Variants in CLASP1 observed in about 807,000 individuals in gnomAD.
CLASP1 encodes CLIP-associating protein 1.
In CLASP1, 38 loss-of-function variants were observed where a neutral mutation model predicts 192.3. The ratio of observed to expected loss-of-function variants is 0.20; its 90% CI spans 0.15 to 0.26. CLASP1 has a LOEUF of 0.26. Among genes scored for constraint, CLASP1 ranks in the 10% least tolerant of loss-of-function variants. The probability of loss-of-function intolerance (pLI) is 1.00; values close to 1 mark genes in which losing one functional copy is unlikely to be tolerated. For synonymous variants in CLASP1, 691 were observed against 712.8 expected, an observed-to-expected ratio of 0.97 and a Z score of 0.49; for missense variants, 1,433 against 1,932.5, an observed-to-expected ratio of 0.74 and a Z score of 4.85.
intron 8 of CLASP1, among the ~76,000 whole-genome samples, chr2:121,474,187 G>A (rs1212976707): frequency 1.3e-5 from 2 of 151,874 alleles, no homozygotes; most frequent in East Asian, 3.9e-4. Flanking sequence ...AATAACCTGG[G>A]GGCCAGAGGA....
At chr2:121,354,049 G>A (rs962586331) in intron 37 of CLASP1, among the ~76,000 whole-genome samples, 1 of 152,170 alleles carries the variant, frequency 6.6e-6, no homozygotes, top group African/African-American at 2.4e-5. Flanking sequence ...AAAATGCTGG[G>A]ATTACAAGCA....
chr2:121,647,449 C>G (rs2073378453), intron 1 of CLASP1, among the ~76,000 whole-genome samples: 1 of 152,128 alleles, frequency 6.6e-6, no homozygotes, highest in South Asian at 2.1e-4. Flanking sequence ...TCATGTTCTT[C>G]TGGCCAATCA....
intron 32 of CLASP1, among the ~76,000 whole-genome samples, chr2:121,385,480 A>C (rs1017888738): frequency 6.6e-6 from 1 of 152,244 alleles, no homozygotes; most frequent in Non-Finnish European, 1.5e-5. Context: ...CCAATTAAGA[A>C]GGAATAATGA....
At chr2:121,413,006 C>A (rs2077976702) in intron 23 of CLASP1, among the ~76,000 whole-genome samples, 1 of 152,116 alleles carries the variant, frequency 6.6e-6, no homozygotes, top group Admixed American at 6.5e-5. Context: ...GCCTGTAATC[C>A]CAGCACTCTG....
At chr2:121,596,825 C>A (rs1301698772) in intron 2 of CLASP1, among the ~76,000 whole-genome samples, 1 of 152,186 alleles carries the variant, frequency 6.6e-6, no homozygotes, top group Non-Finnish European at 1.5e-5. Flanking sequence ...TCCTATGATG[C>A]AATTTAGCAC....
At chr2:121,457,731 A>G in exon 14 of CLASP1, 2 of 1,613,298 alleles carry the variant, frequency 1.2e-6, no homozygotes, top group Non-Finnish European at 1.7e-6. Context: ...TTGTTATGAC[A>G]GGTATTAACC....
intron 7 of CLASP1, chr2:121,503,791 T>G (rs2093842635): frequency 6.6e-6 from 1 of 152,274 alleles, no homozygotes; most frequent in African/African-American, 2.4e-5. Flanking sequence ...TTACATTTAT[T>G]TTCTATTAAT....
At chr2:121,367,912 C>T (rs541102905) in intron 34 of CLASP1, 81 bp from the exon 36 acceptor site, 3 of 1,544,864 alleles carry the variant, frequency 1.9e-6, no homozygotes, top group Admixed American at 1.8e-5. Flanking sequence ...ATTAAGAAGG[C>T]CAGAGATTTT....
At chr2:121,448,506 T>C (rs1275588573) in intron 17 of CLASP1, among the ~76,000 whole-genome samples, 181 bp from the exon 18 acceptor site, 1 of 152,238 alleles carries the variant, frequency 6.6e-6, no homozygotes, top group Non-Finnish European at 1.5e-5. Flanking sequence ...CAATCTATTT[T>C]GGACTGCCTT....
At chr2:121,384,132 A>ATG (rs769563117) in intron 32 of CLASP1, among the ~76,000 whole-genome samples, 35 of 138,428 alleles carry the variant, frequency 2.5e-4, no homozygotes, top group African/African-American at 7.9e-4. Flanking sequence ...ACACATATAT[A>ATG]TGTATATATA....
chr2:121,611,366 T>C (rs377566063), intron 1 of CLASP1, among the ~76,000 whole-genome samples: 3 of 30,598 alleles, frequency 9.8e-5, no homozygotes, highest in African/African-American at 1.4e-4. Flanking sequence ...GAGGAGGAGG[T>C]GTTGGAGGAG....
intron 2 of CLASP1, among the ~76,000 whole-genome samples, chr2:121,601,159 C>T (rs1400738471): frequency 6.6e-6 from 1 of 151,876 alleles, no homozygotes; most frequent in African/African-American, 2.4e-5. Context: ...CTAATATGCA[C>T]ATAGAAAAAG....
At position 121,647,039 on chromosome 2, in the gene CLASP1, CAA is replaced by C. The variant is rs36066876; in HGVS notation, c.-286+2331_-286+2332del. Among the ~76,000 whole-genome samples the C allele has an allele frequency of 4.0e-3, 288 of 71,702 alleles. 1 individual carries two copies. Among genetic ancestry groups the C allele is most frequent in the African/African-American group, 0.011 (233 of 21,970 alleles). 47.0% of individuals were successfully genotyped at this position (71,702 alleles called of 152,430 possible). ...TGGGTAACATAGCGAGACTCCATCTCAAAAAAAAAAAAAAAAAAAAATCTAAA... is the reference window on the plus strand; with the variant it reads ...TGGGTAACATAGCGAGACTCCATCTCAAAAAAAAAAAAAAAAAAATCTAAA... On this transcript the variant is annotated intron_variant, in intron 1 of 39. Transcript: ENST00000263710.
intron 2 of CLASP1, among the ~76,000 whole-genome samples, chr2:121,580,361 T>C (rs2060991019): frequency 6.6e-6 from 1 of 152,174 alleles, no homozygotes; most frequent in Middle Eastern, 3.2e-3. Context: ...TAGAAGAAAA[T>C]TTTAAAATTT....
intron 6 of CLASP1, among the ~76,000 whole-genome samples, chr2:121,517,878 T>TTTTTTTTTTTTTTTA: frequency 7.3e-6 from 1 of 136,162 alleles, no homozygotes; most frequent in African/African-American, 2.7e-5. Context: ...TTTTTTTTTT[T>TTTTTTTTTTTTTTTA]TTTTTTTTTT....
chr2:121,367,904 T>A, intron 34 of CLASP1, 73 bp from the exon 36 acceptor site: 2 of 1,562,414 alleles, frequency 1.3e-6, no homozygotes, highest in Non-Finnish European at 1.7e-6. Context: ...TCAGAAATAT[T>A]AAGAAGGCCA....
chr2:121,576,200 T>A (rs145905647), intron 2 of CLASP1, among the ~76,000 whole-genome samples: 88 of 152,188 alleles, frequency 5.8e-4, no homozygotes, highest in East Asian at 1.7e-3. Flanking sequence ...ATTTTTTTTT[T>A]AAAAAAAGGG....
At chr2:121,591,271 A>G (rs1392630610) in intron 2 of CLASP1, among the ~76,000 whole-genome samples, 1 of 152,252 alleles carries the variant, frequency 6.6e-6, no homozygotes, top group East Asian at 1.9e-4. Context: ...ATCCATAGCC[A>G]ATAAATTGTA....
Position 121,387,752 on chromosome 2 carries a change from A to C in CLASP1, c.3267+11T>G. On this transcript the variant is annotated intron_variant, in intron 31 of 39. Coordinates refer to ENST00000263710, the Ensembl canonical transcript of CLASP1. ...CATCACATAGGCACCAATCGTGACC[A>C]AAGCACTCACCACACTGGTGTTACT... is the stretch of plus-strand genomic sequence containing the variant. The C allele has an allele frequency of 6.2e-7, 1 of 1,613,952 alleles. No individual in the cohort carries two copies. The highest frequency in any genetic ancestry group is 8.5e-7 in the Non-Finnish European group (1 of 1,179,832).
Sources: gnomAD v4.1 joint callset for allele counts (sites outside exome capture counted in the v4.1 genomes callset) on GRCh38, gnomAD v4.1.1 for gene constraint, MANE v1.5 for transcripts, NCBI Gene and HGNC (gene_info 2026-07-23, HGNC 2026-07-21) for gene names.